Variants in MTMR9 observed in about 807,000 individuals in gnomAD.
MTMR9 encodes the protein myotubularin related protein 9.
Under a neutral mutation model 69.5 loss-of-function variants are expected in MTMR9, and 39 were observed. That is an observed-to-expected ratio of 0.56 (90% CI 0.43 to 0.73). The LOEUF is 0.73. Ranked by LOEUF, MTMR9 falls within the 30% of genes least tolerant of loss-of-function variation. MTMR9 has a pLI of 0.00. For synonymous variants in MTMR9, 354 were observed against 240.8 expected (o/e 1.47, Z -4.35); for missense variants, 900 against 671.2 (o/e 1.34, Z -3.77).
chr8:11,323,126 C>G lies in MTMR9; in HGVS notation c.*338C>G. The G allele has an allele frequency of 5.7e-6, 1 of 175,324 alleles. No homozygotes were observed. Among genetic ancestry groups the G allele is most frequent in the Non-Finnish European group, 1.2e-5 (1 of 83,538 alleles). 10.9% of individuals were successfully genotyped at this position (175,324 alleles called of 1,614,324 possible). A position where few individuals can be genotyped will look rare whatever the true frequency, so the allele number is the denominator to read the frequency against. On this transcript the variant is annotated 3_prime_UTR_variant, in exon 10 of 10. Transcript: ENST00000221086. ...CTGTGTCCACTCTCCAAACAGCATT[C>G]TAGAGCAGTCAAGGAGACAGCTAAT... is the stretch of plus-strand genomic sequence containing the variant.
At chr8:11,286,388 G>T (rs1036773142) in intron 1 of MTMR9, among the ~76,000 whole-genome samples, 2 of 151,684 alleles carry the variant, frequency 1.3e-5, no homozygotes, top group African/African-American at 4.8e-5. Context: ...CAGTGGGCCC[G>T]GCACGGTGGC....
chr8:11,293,869 A>G (rs964636368), intron 1 of MTMR9, among the ~76,000 whole-genome samples: 2 of 151,342 alleles, frequency 1.3e-5, no homozygotes, highest in African/African-American at 4.8e-5. Flanking sequence ...AAGTGGATCT[A>G]TTTCTGGACT....
chr8:11,336,535 C>T, the MTMR9 span, among the ~76,000 whole-genome samples: 1 of 152,250 alleles, frequency 6.6e-6, no homozygotes, highest in South Asian at 2.1e-4. Flanking sequence ...ATCTTCCAAT[C>T]TTGTTCTTTA....
intron 2 of MTMR9, chr8:11,297,847 A>T: frequency 8.8e-6 from 4 of 456,074 alleles, no homozygotes; most frequent in South Asian, 6.2e-5. Flanking sequence ...AAATGTTCTT[A>T]CAGCGTAGTG....
At chr8:11,328,398 C>G (rs1490614532), downstream of MTMR9, among the ~76,000 whole-genome samples, 1 of 151,128 alleles carries the variant, frequency 6.6e-6, no homozygotes, top group African/African-American at 2.4e-5. Context: ...TTTGCTGAAA[C>G]ATCCGAGTTA....
intron 2 of MTMR9, chr8:11,297,887 T>A (rs776053797): frequency 2.2e-6 from 1 of 456,280 alleles, no homozygotes; most frequent in South Asian, 1.5e-5. Flanking sequence ...CCTCTATCCT[T>A]TTCCTGGCAC....
chr8:11,321,875 T>G (rs1216197212), intron 9 of MTMR9, among the ~76,000 whole-genome samples: 1 of 152,188 alleles, frequency 6.6e-6, no homozygotes, highest in Admixed American at 6.5e-5. Context: ...AGAGAGTGTT[T>G]TAATGAATCA....
At chr8:11,302,599 G>C (rs1054096505) in intron 3 of MTMR9, among the ~76,000 whole-genome samples, 86 of 152,142 alleles carry the variant, frequency 5.7e-4, no homozygotes, top group African/African-American at 2.0e-3. Flanking sequence ...ATCTGATAAA[G>C]GATGGGTACC....
At chr8:11,316,557 A>G in intron 7 of MTMR9, 116 bp from the exon 8 acceptor site, 1 of 595,562 alleles carries the variant, frequency 1.7e-6, no homozygotes. Context: ...TACCCTAATT[A>G]TATGATGTTC....
intron 3 of MTMR9, among the ~76,000 whole-genome samples, chr8:11,303,423 GT>G: frequency 6.6e-6 from 1 of 152,110 alleles, no homozygotes; most frequent in South Asian, 2.1e-4. Flanking sequence ...AGCTAAAAAT[GT>G]TGAAAATGAT....
At chr8:11,285,222 G>C in intron 1 of MTMR9, 152 bp downstream of exon 1, 1 of 739,706 alleles carries the variant, frequency 1.4e-6, no homozygotes, top group Non-Finnish European at 2.1e-6. Context: ...TTACCAAGCT[G>C]AAACCCGTCC....
intron 1 of MTMR9, among the ~76,000 whole-genome samples, chr8:11,287,748 A>G (rs1166066182): frequency 7.6e-6 from 1 of 130,992 alleles, no homozygotes; most frequent in East Asian, 2.0e-4. Context: ...TTATTTTCTT[A>G]TATATTTATT....
rs571268010 is a variant in MTMR9, at chr8:11,327,614, A to C, written c.*4826A>C. ...TGCAGAACTTAGTTTATAAAAACAA[A>C]GAATGTGTATTTCTTCAATAGCCGG... On this transcript the variant is annotated 3_prime_UTR_variant, in exon 10 of 10. Transcript: ENST00000221086. The C allele has an allele frequency of 6.5e-6, 1 of 152,780 alleles. No homozygotes were observed. The highest frequency in any genetic ancestry group is 1.9e-4 in the East Asian group (1 of 5,190). The allele number at this position is 152,780 out of a possible 1,614,324, so 9.5% of individuals were successfully genotyped here. A position where few individuals can be genotyped will look rare whatever the true frequency, so the allele number is the denominator to read the frequency against.
intron 3 of MTMR9, among the ~76,000 whole-genome samples, chr8:11,304,053 ATT>A (rs58955564): frequency 6.8e-6 from 1 of 146,984 alleles, no homozygotes; most frequent in African/African-American, 2.5e-5. Flanking sequence ...ATATAATTTG[ATT>A]TTTTTTTTTT....
At position 11,295,251 on chromosome 8, in the gene MTMR9, G is replaced by T. The variant is rs141486788; in HGVS notation, c.240G>T (p.Gln80His). Residue 80 changes from glutamine (Q) to histidine (H), a missense_variant, in exon 2 of 10, where the codon CAG (glutamine) becomes CAT (histidine). Transcript: ENST00000221086. Reference protein sequence around the residue: ...IIKCKDFRIIQLDIPGMEECL... With the variant: ...IIKCKDFRIIHLDIPGMEECL... ...AATGTAAAGATTTTCGAATTATTCA[G>T]TTGGATATTCCTGGAATGGAGGAAT... 83 of 1,611,882 alleles carry T rather than the reference G, an allele frequency of 5.1e-5. No individual in the cohort carries two copies. The African/African-American group carries it at 9.4e-4, about 18-fold the overall frequency.
In MTMR9 at chr8:11,323,642, A is replaced by C. The variant is rs955096805; in HGVS notation, c.*854A>C. 6.6e-6 allele frequency: 1 copy of C among 152,244 alleles called. No individual in the cohort carries two copies. The highest frequency in any genetic ancestry group is 2.4e-5 in the African/African-American group (1 of 41,456). 9.4% of individuals were successfully genotyped at this position (152,244 alleles called of 1,614,324 possible). ...AATTTATTATAATCAAGCTACAAAT[A>C]GGTTTTCTTAAACCAGAGATGCACT... On this transcript the variant is annotated 3_prime_UTR_variant, in exon 10 of 10. Coordinates refer to ENST00000221086, the MANE Select transcript of MTMR9 (RefSeq NM_015458.4).
At chr8:11,298,679 T>C in intron 2 of MTMR9, 1 of 819,662 alleles carries the variant, frequency 1.2e-6, no homozygotes, top group Non-Finnish European at 1.5e-6. Flanking sequence ...ATTCCTGCAG[T>C]TTGAATTATG....
intron 5 of MTMR9, among the ~76,000 whole-genome samples, chr8:11,308,808 T>C (rs565468215): frequency 1.3e-5 from 2 of 152,200 alleles, no homozygotes; most frequent in Non-Finnish European, 2.9e-5. Flanking sequence ...CAGCCAGCCT[T>C]TGTGTTTGAT....
At chr8:11,331,553 T>A, downstream of MTMR9, 1 of 1,613,768 alleles carries the variant, frequency 6.2e-7, no homozygotes, top group Non-Finnish European at 8.5e-7. Flanking sequence ...CCCTCTGCCT[T>A]GAGAGCCAGG....
Sources: gnomAD v4.1 joint callset for allele counts (sites outside exome capture counted in the v4.1 genomes callset) on GRCh38, gnomAD v4.1.1 for gene constraint, MANE v1.5 for transcripts, NCBI Gene and HGNC (gene_info 2026-07-23, HGNC 2026-07-21) for gene names.